Variants in ITSN1 observed in about 807,000 individuals in gnomAD.
ITSN1 encodes the protein intersectin 1.
A neutral mutation model predicts 239.8 loss-of-function variants in ITSN1; 58 were observed. The observed-to-expected ratio is 0.24, with a 90% CI of 0.20 to 0.30. The LOEUF (loss-of-function observed/expected upper bound fraction) is 0.30. Among genes scored for constraint, ITSN1 ranks in the 10% least tolerant of loss-of-function variants. The pLI, the probability that ITSN1 is intolerant of heterozygous loss-of-function variation, is 1.00. For missense variants in ITSN1, 1,558 were observed against 2,103.3 expected, an observed-to-expected ratio of 0.74 and a Z score of 5.07; for synonymous variants, 780 against 770.8, an observed-to-expected ratio of 1.01 and a Z score of -0.20.
intron 5 of ITSN1, among the ~76,000 whole-genome samples, chr21:33,738,344 A>AT (rs1169343561): frequency 1.3e-5 from 2 of 152,176 alleles, no homozygotes; most frequent in Non-Finnish European, 2.9e-5. Context: ...ATTCTCAGAA[A>AT]TTGAACATTT....
chr21:33,651,732 T>C (rs371943980), intron 1 of ITSN1, among the ~76,000 whole-genome samples: 8 of 152,358 alleles, frequency 5.3e-5, no homozygotes, highest in African/African-American at 1.9e-4. Context: ...TTGCATTGTC[T>C]ATAGAAGCTG....
chr21:33,833,887 A>G (rs1316366190), intron 27 of ITSN1, among the ~76,000 whole-genome samples: 1 of 151,824 alleles, frequency 6.6e-6, no homozygotes, highest in African/African-American at 2.4e-5. Flanking sequence ...AAAAAAAAAA[A>G]AAGAAGTACT....
chr21:33,655,667 A>G (rs999723262), intron 1 of ITSN1, among the ~76,000 whole-genome samples: 9 of 150,472 alleles, frequency 6.0e-5, no homozygotes, highest in Non-Finnish European at 1.2e-4. Flanking sequence ...GCCTGACCCA[A>G]AGTGATCTGC....
intron 20 of ITSN1, 34 bp from the exon 21 acceptor site, chr21:33,810,941 T>G (rs2072866381): frequency 6.2e-7 from 1 of 1,613,976 alleles, no homozygotes; most frequent in Non-Finnish European, 8.5e-7. Context: ...AGGGGTTAAT[T>G]TAGTTCTACT....
chr21:33,704,209 C>T (rs2092147755), intron 1 of ITSN1, among the ~76,000 whole-genome samples: 1 of 152,136 alleles, frequency 6.6e-6, no homozygotes. Context: ...GGAAGCTTTT[C>T]CTTTTTGTGT....
At chr21:33,651,225 A>T (rs1364058676) in intron 1 of ITSN1, among the ~76,000 whole-genome samples, 1 of 152,248 alleles carries the variant, frequency 6.6e-6, no homozygotes, top group Non-Finnish European at 1.5e-5. Context: ...AGAGAGGCCC[A>T]CTTGGGACTT....
chr21:33,663,444 A>T, intron 1 of ITSN1, among the ~76,000 whole-genome samples: 1 of 152,242 alleles, frequency 6.6e-6, no homozygotes, highest in East Asian at 1.9e-4. Context: ...GTCAAAATGT[A>T]ATCCAGATGC....
chr21:33,811,878 A>G (rs1233075216), intron 21 of ITSN1, among the ~76,000 whole-genome samples: 1 of 152,240 alleles, frequency 6.6e-6, no homozygotes, highest in Non-Finnish European at 1.5e-5. Context: ...AATATTTTAT[A>G]CTAGGATACA....
At chr21:33,782,249 A>G (rs1159580194) in intron 16 of ITSN1, 116 bp downstream of exon 16, 7 of 1,016,276 alleles carry the variant, frequency 6.9e-6, no homozygotes, top group Non-Finnish European at 1.0e-5. Flanking sequence ...TTGTGAGACA[A>G]TCTAAATTGC....
chr21:33,701,361 G>A lies in ITSN1; in HGVS notation c.-32-17436G>A, dbSNP rs145231654. ...TTGTGGGAAATTGATCTAGACTCAA[G>A]TGATCTCCCTGCTTCGGCCTCCAAA... On this transcript the variant is annotated intron_variant, in intron 1 of 39. Transcript: ENST00000381318. 1.9e-3 allele frequency among the ~76,000 whole-genome samples: 294 copies of A among 152,180 alleles called. 1 individual carries two copies. The highest frequency in any genetic ancestry group is 2.4e-3 in the Non-Finnish European group (163 of 67,992).
chr21:33,841,542 A>G (rs2074823260), intron 29 of ITSN1, among the ~76,000 whole-genome samples: 1 of 152,158 alleles, frequency 6.6e-6, no homozygotes, highest in Non-Finnish European at 1.5e-5. Context: ...GCTTCCCAAA[A>G]ACAACAGTGG....
intron 20 of ITSN1, among the ~76,000 whole-genome samples, chr21:33,806,143 G>A (rs986353443): frequency 6.6e-6 from 1 of 151,058 alleles, no homozygotes; most frequent in South Asian, 2.1e-4. Flanking sequence ...CCCGGGAGGC[G>A]GAGCTTGCAG....
intron 5 of ITSN1, among the ~76,000 whole-genome samples, chr21:33,736,466 T>C (rs2066509144): frequency 6.6e-6 from 1 of 152,160 alleles, no homozygotes; most frequent in Non-Finnish European, 1.5e-5. Flanking sequence ...AATAGGATAG[T>C]GGTCCAAGAA....
chr21:33,755,834 C>T (rs2067867518), intron 8 of ITSN1, among the ~76,000 whole-genome samples: 1 of 152,156 alleles, frequency 6.6e-6, no homozygotes, highest in Non-Finnish European at 1.5e-5. Flanking sequence ...CTAGATAGGG[C>T]TCACCACTTT....
chr21:33,754,801 C>A (rs1207100347), intron 7 of ITSN1, among the ~76,000 whole-genome samples: 2 of 152,140 alleles, frequency 1.3e-5, no homozygotes, highest in African/African-American at 4.8e-5. Flanking sequence ...TTTAAACTTA[C>A]CAGAATGGAG....
At chr21:33,758,164 C>T (rs764703314) in intron 8 of ITSN1, among the ~76,000 whole-genome samples, 1 of 152,186 alleles carries the variant, frequency 6.6e-6, no homozygotes, top group Non-Finnish European at 1.5e-5. Flanking sequence ...ATTACAGGCA[C>T]CCAGGCTGAA....
rs373376953 is a variant in ITSN1, at chr21:33,722,544, G to GTTT, written c.122-31_122-29dup. On this transcript the variant is annotated intron_variant, in intron 3 of 39. Transcript: ENST00000381318. Reference sequence around the variant, plus strand: ...TATTACAGGATTTCTGTCAGCTGTTGTTTTTTTTTTTTTTTCCTGAAACTT... The same window carrying GTTT: ...TATTACAGGATTTCTGTCAGCTGTTGTTTTTTTTTTTTTTTTTTCCTGAAACTT... 675 of 1,283,640 alleles carry GTTT rather than the reference G, an allele frequency of 5.3e-4. 1 individual carries two copies. In the African/African-American group the frequency reaches 6.2e-3, roughly 12 times the overall value. The allele number at this position is 1,283,640 out of a possible 1,614,324, so 79.5% of individuals were successfully genotyped here. A position where few individuals can be genotyped will look rare whatever the true frequency, so the allele number is the denominator to read the frequency against.
intron 1 of ITSN1, among the ~76,000 whole-genome samples, chr21:33,702,079 A>C (rs1244472290): frequency 2.3e-5 from 3 of 128,806 alleles, no homozygotes; most frequent in Admixed American, 7.8e-5. Context: ...AAAAACAAAA[A>C]AACAAACAAA....
chr21:33,662,989 TACC>T (rs974554114), intron 1 of ITSN1, among the ~76,000 whole-genome samples: 12 of 152,216 alleles, frequency 7.9e-5, no homozygotes, highest in African/African-American at 2.9e-4. Context: ...ATCATTGACT[TACC>T]ACATAAATAA....
Sources: gnomAD v4.1 joint callset for allele counts (sites outside exome capture counted in the v4.1 genomes callset) on GRCh38, gnomAD v4.1.1 for gene constraint, MANE v1.5 for transcripts, NCBI Gene and HGNC (gene_info 2026-07-23, HGNC 2026-07-21) for gene names.